The following FRMPD4 variants were observed in gnomAD, a reference collection of about 807,000 sequenced individuals.
FRMPD4 encodes FERM and PDZ domain containing 4.
Under a neutral mutation model 94.1 loss-of-function variants are expected in FRMPD4, and 22 were observed. That is an observed-to-expected ratio of 0.23 (90% CI 0.17 to 0.33). FRMPD4 has a LOEUF of 0.33. Ranked by LOEUF, FRMPD4 falls within the 10% of genes least tolerant of loss-of-function variation. FRMPD4 has a pLI of 1.00. For missense variants in FRMPD4, 1,111 were observed against 1,339.9 expected, an observed-to-expected ratio of 0.83 and a Z score of 2.67; for synonymous variants, 631 against 548.6, an observed-to-expected ratio of 1.15 and a Z score of -2.10.
At chrX:12,230,895 A>AT (rs1213844179) in intron 1 of FRMPD4, among the ~76,000 whole-genome samples, 28 of 86,272 alleles carry the variant, frequency 3.2e-4, no homozygotes, top group East Asian at 2.0e-3. Flanking sequence ...TACTATATAT[A>AT]TACTATATAT....
intron 3 of FRMPD4, among the ~76,000 whole-genome samples, chrX:12,128,899 AG>A (rs1420298349): frequency 2.7e-5 from 3 of 112,031 alleles, no homozygotes; most frequent in Non-Finnish European, 5.6e-5. Context: ...GCATAGCAAG[AG>A]TCGCCTTTAT....
chrX:11,979,365 G>T (rs1454729024), intron 3 of FRMPD4, among the ~76,000 whole-genome samples: 1 of 111,946 alleles, frequency 8.9e-6, no homozygotes. Context: ...CTTTTCTTAT[G>T]AATAATGGTC....
intron 3 of FRMPD4, among the ~76,000 whole-genome samples, chrX:12,066,877 GT>G (rs748986990): frequency 1.0e-5 from 1 of 97,350 alleles, no homozygotes; most frequent in African/African-American, 3.7e-5. Flanking sequence ...TTTTGTTTTT[GT>G]TTTTTTTTTG....
At chrX:12,204,225 G>A (rs1313369630) in intron 1 of FRMPD4, among the ~76,000 whole-genome samples, 1 of 112,242 alleles carries the variant, frequency 8.9e-6, no homozygotes, top group Non-Finnish European at 1.9e-5. Flanking sequence ...ACGCTACATC[G>A]TGCAATGCAC....
intron 1 of FRMPD4, among the ~76,000 whole-genome samples, chrX:12,322,763 T>C (rs1380976552): frequency 8.9e-6 from 1 of 111,976 alleles, no homozygotes; most frequent in Admixed American, 9.5e-5. Context: ...AATAATGAGA[T>C]AGAATAAGAC....
chrX:12,658,388 G>T (rs750395742), intron 4 of FRMPD4, among the ~76,000 whole-genome samples: 2 of 112,036 alleles, frequency 1.8e-5, no homozygotes, highest in South Asian at 7.6e-4. Flanking sequence ...ATAGAGGCAG[G>T]AAAGAAGGGA....
At chrX:12,465,582 A>G (rs752255101) in intron 1 of FRMPD4, among the ~76,000 whole-genome samples, 2 of 111,965 alleles carry the variant, frequency 1.8e-5, no homozygotes, top group South Asian at 7.5e-4. Context: ...GCCTCAAAAC[A>G]AATGCTTTGT....
chrX:11,823,839 G>A (rs763451454), intron 1 of FRMPD4, among the ~76,000 whole-genome samples: 10 of 111,375 alleles, frequency 9.0e-5, no homozygotes, highest in Non-Finnish European at 1.9e-4. Context: ...ATATAAAAAC[G>A]GGCGGCAACC....
chrX:12,405,287 C>A (rs190265118), intron 1 of FRMPD4, among the ~76,000 whole-genome samples: 206 of 111,379 alleles, frequency 1.8e-3, no homozygotes, highest in Non-Finnish European at 3.5e-3. Flanking sequence ...AAGGAGAACT[C>A]ATAGAAAGAA....
chrX:11,856,914 CAG>C (rs768275061), intron 1 of FRMPD4, among the ~76,000 whole-genome samples: 13 of 111,707 alleles, frequency 1.2e-4, no homozygotes, highest in Non-Finnish European at 2.3e-4. Flanking sequence ...ACACCAACAA[CAG>C]TCAAGCCAAG....
At chrX:11,923,487 C>T (rs1423101935) in intron 3 of FRMPD4, among the ~76,000 whole-genome samples, 1 of 111,899 alleles carries the variant, frequency 8.9e-6, no homozygotes, top group East Asian at 2.8e-4. Flanking sequence ...TTGCCTCTGA[C>T]ACTGTGGTGA....
chrX:12,112,974 G>A (rs1202489905), intron 3 of FRMPD4, among the ~76,000 whole-genome samples: 4 of 111,559 alleles, frequency 3.6e-5, no homozygotes, highest in African/African-American at 1.3e-4. Context: ...TTATTGCCAC[G>A]CCAACCAGAT....
chrX:12,687,206 T>G (rs1253404056), intron 7 of FRMPD4, among the ~76,000 whole-genome samples: 1 of 112,398 alleles, frequency 8.9e-6, no homozygotes, highest in Non-Finnish European at 1.9e-5. Flanking sequence ...AAGTATGTAG[T>G]GGCTTAATAC....
In FRMPD4 at chrX:12,216,650, C is replaced by T. The variant is rs142872274; in HGVS notation, c.41+77638C>T. ...TCTTCATATCTCCTCAAACCATAAC[C>T]AGGAACTCACTGTCCTGGGCTAAAA... On this transcript the variant is annotated intron_variant, in intron 1 of 16. Coordinates refer to ENST00000675598, the MANE Select transcript of FRMPD4 (RefSeq NM_001368397.1). Among the ~76,000 whole-genome samples the T allele has an allele frequency of 2.7e-5, 3 of 111,908 alleles. No individual in the cohort carries two copies. In the East Asian group the frequency reaches 8.4e-4, roughly 32 times the overall value.
intron 3 of FRMPD4, among the ~76,000 whole-genome samples, chrX:12,086,517 G>A (rs1284861487): frequency 1.8e-5 from 2 of 111,821 alleles, no homozygotes; most frequent in Non-Finnish European, 3.8e-5. Flanking sequence ...CTATCAGAGA[G>A]TAATAGGCAA....
chrX:12,577,931 T>C (rs1411603084), intron 2 of FRMPD4, among the ~76,000 whole-genome samples: 1 of 112,727 alleles, frequency 8.9e-6, no homozygotes, highest in Non-Finnish European at 1.9e-5. Context: ...ATTTATTTTA[T>C]CACAGTTCTG....
chrX:12,659,955 A>C (rs763710328), intron 4 of FRMPD4, among the ~76,000 whole-genome samples: 2 of 112,222 alleles, frequency 1.8e-5, no homozygotes, highest in Non-Finnish European at 3.8e-5. Flanking sequence ...CCAAACCTGA[A>C]ATTTTATTGC....
At chrX:11,931,559 A>G (rs1213791485) in intron 3 of FRMPD4, among the ~76,000 whole-genome samples, 1 of 112,081 alleles carries the variant, frequency 8.9e-6, no homozygotes, top group Non-Finnish European at 1.9e-5. Context: ...AAGGGTCTTA[A>G]TGTGAGAGTT....
chrX:12,336,143 T>A (rs189748358), intron 1 of FRMPD4, among the ~76,000 whole-genome samples: 1 of 111,949 alleles, frequency 8.9e-6, no homozygotes, highest in East Asian at 2.8e-4. Context: ...GAGGGCCATT[T>A]GAAGTGGTTT....
Sources: gnomAD v4.1 joint callset for allele counts (sites outside exome capture counted in the v4.1 genomes callset) on GRCh38, gnomAD v4.1.1 for gene constraint, MANE v1.5 for transcripts, NCBI Gene and HGNC (gene_info 2026-07-23, HGNC 2026-07-21) for gene names.